The following CEACAM21 variants were observed in gnomAD, a reference collection of about 807,000 sequenced individuals.
CEACAM21 encodes the protein CEA cell adhesion molecule 21, also known as cell adhesion molecule CEACAM21.
CEACAM21 carries 38 observed loss-of-function variants against 33.2 expected under a neutral mutation model. The observed-to-expected ratio is 1.14, with a 90% CI of 0.88 to 1.50. CEACAM21 has a LOEUF of 1.50. CEACAM21 is among the 40% of genes most tolerant of loss of function. CEACAM21 has a pLI of 0.00. For synonymous variants in CEACAM21, 156 were observed against 143.0 expected, an observed-to-expected ratio of 1.09 and a Z score of -0.65; for missense variants, 385 against 364.6, an observed-to-expected ratio of 1.06 and a Z score of -0.46.
chr19:41,552,328 G>A (rs1346188889), intron 1 of CEACAM21: 2 of 152,142 alleles, frequency 1.3e-5, no homozygotes, highest in Non-Finnish European at 2.9e-5. Context: ...GTTTGTGGAG[G>A]CCTGGCGAGT....
Position 41,579,602 on chromosome 19 carries a change from G to A in CEACAM21, c.674G>A (p.Ser225Asn), listed in dbSNP as rs373645052. The change falls in exon 3 of 7, where the codon AGC (serine) becomes AAC (asparagine). Residue 225 changes from serine to asparagine, a missense_variant. Physicochemically the swap from Ser to Asn is conservative, Grantham distance 46. Transcript: ENST00000401445. ...EVSNPVSSNR[S>N]DPLKLTVKSD... ...TCCAACCCAGTCAGCTCCAACAGGAGCGACCCCCTCAAGCTGACTGTAAAA... is the reference window on the plus strand; with the variant it reads ...TCCAACCCAGTCAGCTCCAACAGGAACGACCCCCTCAAGCTGACTGTAAAA... 1 of 1,574,470 alleles carries A rather than the reference G, an allele frequency of 6.4e-7. No individual in the cohort carries two copies. Among genetic ancestry groups the A allele is most frequent in the Non-Finnish European group, 8.6e-7 (1 of 1,159,634 alleles).
rs920412513 is a variant in CEACAM21, at chr19:41,586,722, G to A, written c.*259G>A. 4 of 380,098 alleles carry A rather than the reference G, an allele frequency of 1.1e-5. No individual in the cohort carries two copies. The East Asian group carries it at 1.9e-4, about 18-fold the overall frequency. 23.5% of individuals were successfully genotyped at this position (380,098 alleles called of 1,614,324 possible). Reference sequence around the variant, plus strand: ...CTCAACAGACTGCCCCGGGCTCTGGGTGGGCCAAGGCGAAGGCTTCCCATC... The same window carrying A: ...CTCAACAGACTGCCCCGGGCTCTGGATGGGCCAAGGCGAAGGCTTCCCATC... On this transcript the variant is annotated 3_prime_UTR_variant, in exon 7 of 7. Transcript: ENST00000401445.
chr19:41,572,017 T>C (rs7507475), upstream of CEACAM21, among the ~76,000 whole-genome samples: 2 of 152,120 alleles, frequency 1.3e-5, no homozygotes, highest in African/African-American at 4.8e-5. Context: ...CTACTCTATG[T>C]ACAGGAATAA....
chr19:41,560,145 A>G (rs1208731866), intron 1 of CEACAM21, among the ~76,000 whole-genome samples: 3 of 152,218 alleles, frequency 2.0e-5, no homozygotes, highest in Non-Finnish European at 4.4e-5. Flanking sequence ...ACAGTTAATT[A>G]CAGTCTTACA....
intron 4 of CEACAM21, among the ~76,000 whole-genome samples, chr19:41,584,928 G>C (rs1406677751): frequency 6.6e-6 from 1 of 152,202 alleles, no homozygotes; most frequent in African/African-American, 2.4e-5. Flanking sequence ...CCCCAATATG[G>C]CATATCCTGG....
At chr19:41,582,186 C>T (rs1361083464) in intron 3 of CEACAM21, among the ~76,000 whole-genome samples, 2 of 152,262 alleles carry the variant, frequency 1.3e-5, no homozygotes, top group African/African-American at 2.4e-5. Flanking sequence ...TCTTAATGCT[C>T]TGAAATGATC....
At chr19:41,562,740 T>C (rs1192011647) in intron 1 of CEACAM21, among the ~76,000 whole-genome samples, 1 of 152,152 alleles carries the variant, frequency 6.6e-6, no homozygotes, top group African/African-American at 2.4e-5. Flanking sequence ...TTTTCTTTTT[T>C]TTTTTGGAGA....
chr19:41,576,102 T>G, upstream of CEACAM21: 2 of 664,100 alleles, frequency 3.0e-6, no homozygotes, highest in Admixed American at 2.8e-5. Flanking sequence ...CAGAGAGACA[T>G]TGTAGGCAGA....
chr19:41,562,275 AAAG>A (rs1307382840), intron 1 of CEACAM21, among the ~76,000 whole-genome samples: 1 of 147,442 alleles, frequency 6.8e-6, no homozygotes, highest in African/African-American at 2.7e-5. Flanking sequence ...AGAAAGAAAG[AAAG>A]AAAAAACACT....
chr19:41,584,755 G>C (rs1220188666), intron 4 of CEACAM21, among the ~76,000 whole-genome samples: 1 of 152,166 alleles, frequency 6.6e-6, no homozygotes, highest in Non-Finnish European at 1.5e-5. Flanking sequence ...ACCTCCCCCT[G>C]TTCACTGAAT....
intron 1 of CEACAM21, among the ~76,000 whole-genome samples, chr19:41,558,940 G>A (rs2041705912): frequency 6.6e-6 from 1 of 152,122 alleles, no homozygotes; most frequent in South Asian, 2.1e-4. Context: ...GCAGGCTTTG[G>A]GGAAAATCAT....
intron 2 of CEACAM21, 37 bp from the exon 3 acceptor site, chr19:41,579,316 G>A: frequency 6.2e-7 from 1 of 1,613,922 alleles, no homozygotes; most frequent in Non-Finnish European, 8.5e-7. Flanking sequence ...ATGCAGCATG[G>A]CCCCAAGACA....
intron 1 of CEACAM21, among the ~76,000 whole-genome samples, chr19:41,555,954 A>C (rs1352303536): frequency 6.6e-6 from 1 of 152,216 alleles, no homozygotes; most frequent in Admixed American, 6.5e-5. Context: ...CTCACAGTAC[A>C]AAGTAATGCC....
intron 2 of CEACAM21, among the ~76,000 whole-genome samples, chr19:41,566,514 G>A (rs144757828): frequency 6.6e-6 from 1 of 152,190 alleles, no homozygotes; most frequent in East Asian, 1.9e-4. Context: ...CCTGATATAA[G>A]CCATACGTAT....
intron 4 of CEACAM21, 132 bp downstream of exon 4, chr19:41,584,575 T>C (rs2070577018): frequency 2.6e-6 from 2 of 773,286 alleles, no homozygotes; most frequent in Non-Finnish European, 4.3e-6. Flanking sequence ...TTCCCTCTCA[T>C]TCCATGGCAC....
At chr19:41,581,072 G>T (rs917108991) in intron 3 of CEACAM21, among the ~76,000 whole-genome samples, 22 of 152,190 alleles carry the variant, frequency 1.4e-4, no homozygotes, top group African/African-American at 5.1e-4. Context: ...GCCATAAACT[G>T]GCCCCAAAAC....
chr19:41,565,762 CAT>C (rs1555788199), intron 2 of CEACAM21, among the ~76,000 whole-genome samples: 1 of 152,106 alleles, frequency 6.6e-6, no homozygotes, highest in Non-Finnish European at 1.5e-5. Flanking sequence ...AACCAGGAAT[CAT>C]AACACATTTG....
intron 1 of CEACAM21, among the ~76,000 whole-genome samples, chr19:41,562,985 C>T (rs188491606): frequency 2.0e-5 from 3 of 152,298 alleles, no homozygotes; most frequent in East Asian, 3.9e-4. Context: ...GCCTCCGCCT[C>T]CCGAAGTGCT....
intron 2 of CEACAM21, among the ~76,000 whole-genome samples, chr19:41,570,458 A>C (rs1555789234): frequency 6.6e-6 from 1 of 151,928 alleles, no homozygotes; most frequent in African/African-American, 2.4e-5. Context: ...CCATTATCTG[A>C]CTTTATGTGA....
Sources: allele counts gnomAD v4.1 joint callset (sites outside exome capture counted in the v4.1 genomes callset), GRCh38; gene constraint gnomAD v4.1.1; transcripts MANE v1.5; gene names NCBI Gene and HGNC (gene_info 2026-07-23, HGNC 2026-07-21).